The following TBRG1 variants were observed in gnomAD, a reference collection of about 807,000 sequenced individuals.
TBRG1 encodes nuclear interactor of ARF and MDM2.
TBRG1 carries 31 observed loss-of-function variants against 44.0 expected under a neutral mutation model. The observed-to-expected ratio is 0.70, with a 90% CI of 0.53 to 0.95. TBRG1 has a LOEUF of 0.95. Ranked by LOEUF, TBRG1 falls within the 40% of genes least tolerant of loss-of-function variation. TBRG1 has a pLI of 0.00. For missense variants in TBRG1, 487 were observed against 496.1 expected, an observed-to-expected ratio of 0.98 and a Z score of 0.18; for synonymous variants, 171 against 188.1, an observed-to-expected ratio of 0.91 and a Z score of 0.74.
intron 5 of TBRG1, among the ~76,000 whole-genome samples, chr11:124,627,996 A>T (rs939848497): frequency 6.8e-6 from 1 of 147,888 alleles, no homozygotes; most frequent in East Asian, 2.0e-4. Context: ...CTAACTGGAC[A>T]TTATTTTTAG....
In TBRG1 at chr11:124,622,945, TG is replaced by T; in HGVS notation, c.-136del. The stretch of plus-strand genomic sequence containing the variant: ...GTGTCTCTGGCCCTGCGGTCAGCCC[TG>T]GGAACGTCCCGGAGAGCTAGATTCC... On this transcript the variant is annotated 5_prime_UTR_variant, in exon 1 of 9. Coordinates refer to ENST00000441174, the MANE Select transcript of TBRG1 (RefSeq NM_032811.3). The T allele has an allele frequency of 1.0e-6, 1 of 998,648 alleles. No individual in the cohort carries two copies. The highest frequency in any genetic ancestry group is 1.4e-6 in the Non-Finnish European group (1 of 701,806). The allele number at this position is 998,648 out of a possible 1,614,324, so 61.9% of individuals were successfully genotyped here.
intron 1 of TBRG1, among the ~76,000 whole-genome samples, chr11:124,624,174 A>G (rs968443172): frequency 6.6e-6 from 1 of 152,160 alleles, no homozygotes; most frequent in Non-Finnish European, 1.5e-5. Context: ...TATACGTCAA[A>G]GGTACCTAAA....
Position 124,630,749 on chromosome 11 carries a change from A to G in TBRG1, c.841A>G (p.Lys281Glu), listed in dbSNP as rs754264229. 5 of 1,602,370 alleles carry G rather than the reference A, an allele frequency of 3.1e-6. No homozygotes were observed. In the African/African-American group the frequency reaches 6.7e-5, roughly 21 times the overall value. Residue 281 changes from lysine to glutamate, a missense_variant, in exon 7 of 9, where the codon AAA (lysine) becomes GAA (glutamate). Physicochemically the swap from Lys to Glu is moderately conservative, Grantham distance 56 (BLOSUM62 1). Transcript: ENST00000441174. ...LLRTISTTMGKLMPNLLPAGA... is the reference protein window; with the variant it reads ...LLRTISTTMGELMPNLLPAGA... ...AATTATCCCTCTCCTGTTTAGGGGG[A>G]AACTAATGCCTAACCTGCTTCCAGC...
At chr11:124,631,737 G>A (rs900768118) in intron 8 of TBRG1, 5 of 437,778 alleles carry the variant, frequency 1.1e-5, no homozygotes, top group Non-Finnish European at 2.1e-5. Flanking sequence ...AACATTTCAA[G>A]TGAAGTCAGT....
At chr11:124,630,651 G>C (rs1277631707) in intron 6 of TBRG1, 94 bp from the exon 7 acceptor site, 2 of 1,077,516 alleles carry the variant, frequency 1.9e-6, no homozygotes, top group Admixed American at 3.9e-5. Flanking sequence ...AGTCAAGAAA[G>C]CTTATCCTGT....
chr11:124,624,658 T>C (rs1244249501), intron 1 of TBRG1, among the ~76,000 whole-genome samples: 1 of 152,242 alleles, frequency 6.6e-6, no homozygotes, highest in Non-Finnish European at 1.5e-5. Context: ...CAGTCCTGGT[T>C]CACCGTATTG....
Position 124,626,952 on chromosome 11 carries a change from G to A in TBRG1, c.640G>A (p.Val214Met), listed in dbSNP as rs369320849. Residue 214 changes from valine to methionine, a missense_variant, in exon 5 of 9, where the codon GTG becomes ATG. Coordinates refer to ENST00000441174, the MANE Select transcript of TBRG1 (RefSeq NM_032811.3). ...GFHDESAIYPVGYCSTRIYAS... is the reference protein window; with the variant it reads ...GFHDESAIYPMGYCSTRIYAS... ...TCATGATGAGAGTGCCATCTACCCC[G>A]TGGGCTATTGCAGTACTCGAATATA... 136 of 1,602,978 alleles carry A rather than the reference G, an allele frequency of 8.5e-5. 1 individual carries two copies. The highest frequency in any genetic ancestry group is 6.2e-4 in the South Asian group (55 of 88,636).
chr11:124,624,120 A>G (rs1942402319), intron 1 of TBRG1, among the ~76,000 whole-genome samples: 1 of 152,236 alleles, frequency 6.6e-6, no homozygotes, highest in African/African-American at 2.4e-5. Flanking sequence ...AGTAAAACTA[A>G]GAGAACTTAG....
rs550767811 is a variant in TBRG1 at position 124,627,009 on chromosome 11, C to CTATATA, written c.698_703dup (p.Tyr234_Thr235insIleTyr). 3.5e-4 allele frequency: 553 copies of CTATATA among 1,561,394 alleles called. 2 individuals carry two copies. The African/African-American group carries it at 6.6e-3, about 19-fold the overall frequency. On this transcript the variant is annotated inframe_insertion, in exon 5 of 9. Coordinates refer to ENST00000441174, the MANE Select transcript of TBRG1 (RefSeq NM_032811.3). The stretch of plus-strand genomic sequence containing the variant: ...CATGAAGTGCCCAGACCAGAAGTGT[C>CTATATA]TATATACCTGTCAGATCAAGGATGG...
At chr11:124,623,268 G>A in intron 1 of TBRG1, 35 bp downstream of exon 1, 1 of 1,550,778 alleles carries the variant, frequency 6.4e-7, no homozygotes, top group Non-Finnish European at 8.7e-7. Flanking sequence ...GTCCCCTCCT[G>A]GAGACTCCCT....
chr11:124,623,956 G>A (rs979060225), intron 1 of TBRG1, among the ~76,000 whole-genome samples: 14 of 152,178 alleles, frequency 9.2e-5, no homozygotes, highest in Non-Finnish European at 2.1e-4. Context: ...CAAGTCAACA[G>A]TTCATCTCTT....
chr11:124,626,453 A>C lies in TBRG1; in HGVS notation c.455-20A>C. The C allele has an allele frequency of 6.6e-7, 1 of 1,511,076 alleles. No individual in the cohort carries two copies. The highest frequency in any genetic ancestry group is 8.9e-7 in the Non-Finnish European group (1 of 1,126,424). The allele number at this position is 1,511,076 out of a possible 1,614,324, so 93.6% of individuals were successfully genotyped here. The stretch of plus-strand genomic sequence containing the variant: ...CATTGGAAGGGGCCTAAAGTGGGTG[A>C]CCCCAGATTTGCGTTTCAGTTCTGA... On this transcript the variant is annotated intron_variant, in intron 3 of 8. Coordinates refer to ENST00000441174, the MANE Select transcript of TBRG1 (RefSeq NM_032811.3).
rs1942602868 is a variant in TBRG1, at chr11:124,631,221, G to A, written c.948-54G>A. ...ACCTGATCCCTTTAGTGATAGGAAT[G>A]GGTATTTATGTCTAGCAGATAACTC... On this transcript the variant is annotated intron_variant, in intron 7 of 8. Coordinates refer to ENST00000441174, the MANE Select transcript of TBRG1 (RefSeq NM_032811.3). 4 of 1,487,768 alleles carry A rather than the reference G, an allele frequency of 2.7e-6. No homozygotes were observed. In the African/African-American group the frequency reaches 5.6e-5, roughly 21 times the overall value. The allele number at this position is 1,487,768 out of a possible 1,614,324, so 92.2% of individuals were successfully genotyped here.
intron 8 of TBRG1, chr11:124,631,761 G>C (rs1466096700): frequency 9.1e-6 from 4 of 439,456 alleles, no homozygotes. Flanking sequence ...GTCAAGTCAA[G>C]GCCTTGGCCC....
chr11:124,625,492 C>T (rs1393720261), intron 2 of TBRG1, among the ~76,000 whole-genome samples, 179 bp from the exon 3 acceptor site: 1 of 152,194 alleles, frequency 6.6e-6, no homozygotes, highest in Non-Finnish European at 1.5e-5. Context: ...TATCCTTGGC[C>T]TCTTGAAGTA....
rs989177381 is a variant in TBRG1, at chr11:124,634,770, A to G, written c.*2532A>G. ...AGAAAATTATTTTGGTAAAGTAAGT[A>G]AGTCAAAAACACAGATTACAAAATA... On this transcript the variant is annotated 3_prime_UTR_variant, in exon 9 of 9. Coordinates refer to ENST00000441174, the MANE Select transcript of TBRG1 (RefSeq NM_032811.3). 1 of 152,346 alleles carries G rather than the reference A, an allele frequency of 6.6e-6. No homozygotes were observed. The highest frequency in any genetic ancestry group is 2.4e-5 in the African/African-American group (1 of 41,572). 9.4% of individuals were successfully genotyped at this position (152,346 alleles called of 1,614,324 possible). A position where few individuals can be genotyped will look rare whatever the true frequency, so the allele number is the denominator to read the frequency against.
chr11:124,631,008 ACAGGTAAGCAAGAGC>A (rs1321817104), intron 7 of TBRG1, 153 bp downstream of exon 7: 4 of 661,978 alleles, frequency 6.0e-6, no homozygotes, highest in African/African-American at 1.8e-5. Context: ...AGCCCTCTGG[ACAGGTAAGCAAGAGC>A]CAGGACTCCA....
Position 124,632,254 on chromosome 11 carries a change from A to G in TBRG1, c.*16A>G, listed in dbSNP as rs570652322. 6.2e-7 allele frequency: 1 copy of G among 1,607,062 alleles called. No individual in the cohort carries two copies. Among genetic ancestry groups the G allele is most frequent in the Admixed American group, 1.7e-5 (1 of 58,460 alleles). ...TTCAGATTGAACAAGAAGGGATCAG[A>G]TGCCACATCGTTTTTGTCGTGATTA... is the stretch of plus-strand genomic sequence containing the variant. On this transcript the variant is annotated 3_prime_UTR_variant, in exon 9 of 9. Transcript: ENST00000441174.
At chr11:124,627,160 G>A in intron 5 of TBRG1, 110 bp downstream of exon 5, 2 of 814,876 alleles carry the variant, frequency 2.5e-6, no homozygotes, top group South Asian at 3.4e-5. Flanking sequence ...TCACCATTTG[G>A]GTAATCCCAA....
Sources: gnomAD v4.1 joint callset for allele counts (sites outside exome capture counted in the v4.1 genomes callset) on GRCh38, gnomAD v4.1.1 for gene constraint, MANE v1.5 for transcripts, NCBI Gene and HGNC (gene_info 2026-07-23, HGNC 2026-07-21) for gene names.